The following LRRTM4 variants were observed in gnomAD, a reference collection of about 807,000 sequenced individuals.
LRRTM4 encodes leucine rich repeat transmembrane neuronal 4, also known as leucine-rich repeat transmembrane neuronal protein 4.
In LRRTM4, 25 loss-of-function variants were observed where a neutral mutation model predicts 47.6. The observed-to-expected ratio is 0.53, with a 90% confidence interval of 0.38 to 0.73. The LOEUF is 0.73. Ranked by LOEUF, LRRTM4 falls within the 30% of genes least tolerant of loss-of-function variation. The pLI is 0.00. For missense variants in LRRTM4, 638 were observed against 713.4 expected (o/e 0.89, Z 1.20); for synonymous variants, 311 against 269.5 (o/e 1.15, Z -1.51).
intron 3 of LRRTM4, among the ~76,000 whole-genome samples, chr2:77,240,068 GTAA>G (rs920387289): frequency 7.9e-4 from 120 of 151,738 alleles, no homozygotes; most frequent in African/African-American, 2.7e-3. Context: ...TACAATAATT[GTAA>G]TAACAAAAAG....
chr2:77,193,336 G>C (rs879522035), intron 3 of LRRTM4, among the ~76,000 whole-genome samples: 1 of 152,018 alleles, frequency 6.6e-6, no homozygotes, highest in Non-Finnish European at 1.5e-5. Flanking sequence ...GTTAAGAAAT[G>C]CATGACTGTA....
chr2:76,915,347 G>C (rs910777534), intron 3 of LRRTM4, among the ~76,000 whole-genome samples: 1 of 152,182 alleles, frequency 6.6e-6, no homozygotes, highest in Admixed American at 6.5e-5. Context: ...TGCATGCCTT[G>C]AGGGTCATTC....
intron 3 of LRRTM4, among the ~76,000 whole-genome samples, chr2:77,353,838 A>G (rs2104301146): frequency 6.6e-6 from 1 of 152,312 alleles, no homozygotes; most frequent in East Asian, 1.9e-4. Context: ...GCTGGGGCTT[A>G]GCCCAGGAAG....
intron 3 of LRRTM4, among the ~76,000 whole-genome samples, chr2:77,248,981 T>A (rs1478674712): frequency 6.6e-6 from 1 of 151,958 alleles, no homozygotes; most frequent in African/African-American, 2.4e-5. Flanking sequence ...TGAACTAGGG[T>A]TGGTGATAAC....
rs1676317250 is a variant in LRRTM4, at chr2:76,974,149, T to TACATATATATAC, written c.1552-225234_1552-225233insGTATATATATGT. The stretch of plus-strand genomic sequence containing the variant: ...ATTTGCTCATATATATACATATATA[T>TACATATATATAC]ACATACATATATATATATACATACA... On this transcript the variant is annotated intron_variant, in intron 3 of 3. Transcript: ENST00000409884. Among the ~76,000 whole-genome samples, 2 of 130,084 alleles carry TACATATATATAC rather than the reference T, an allele frequency of 1.5e-5. 1 individual carries two copies. Among genetic ancestry groups the TACATATATATAC allele is most frequent in the African/African-American group, 6.6e-5 (2 of 30,494 alleles). The allele number at this position is 130,084 out of a possible 152,430, so 85.3% of individuals were successfully genotyped here.
rs951352124 is a variant in LRRTM4 at position 76,811,916 on chromosome 2, T to A, written c.1552-63000A>T. The stretch of plus-strand genomic sequence containing the variant: ...GAATTTCTTTCCTAGATCTTACTCA[T>A]TGCTTTTATTATGTAATAGGTTTAC... On this transcript the variant is annotated intron_variant, in intron 3 of 3. Coordinates refer to ENST00000409884, the MANE Select transcript of LRRTM4 (RefSeq NM_001134745.3). Among the ~76,000 whole-genome samples, 2 of 152,310 alleles carry A rather than the reference T, an allele frequency of 1.3e-5. 1 individual carries two copies. The highest frequency in any genetic ancestry group is 4.1e-4 in the South Asian group (2 of 4,826).
chr2:76,857,375 C>G (rs1324486203), intron 3 of LRRTM4, among the ~76,000 whole-genome samples: 2 of 148,744 alleles, frequency 1.3e-5, no homozygotes, highest in Non-Finnish European at 3.0e-5. Context: ...TTTTGATATT[C>G]ATATTTACAT....
chr2:77,225,722 A>T (rs1375991360), intron 3 of LRRTM4, among the ~76,000 whole-genome samples: 1 of 152,154 alleles, frequency 6.6e-6, no homozygotes, highest in Non-Finnish European at 1.5e-5. Context: ...TGAAATACAC[A>T]ATATAGCCAG....
intron 3 of LRRTM4, among the ~76,000 whole-genome samples, chr2:77,122,862 AT>A (rs1671555268): frequency 6.6e-6 from 1 of 151,776 alleles, no homozygotes; most frequent in Admixed American, 6.6e-5. Flanking sequence ...AAAATACTAT[AT>A]GTGTTATTTT....
chr2:76,930,782 G>C (rs149790295), intron 3 of LRRTM4, among the ~76,000 whole-genome samples: 248 of 152,182 alleles, frequency 1.6e-3, no homozygotes, highest in African/African-American at 5.7e-3. Flanking sequence ...GTAAAATAAT[G>C]ATAAATGGTT....
At chr2:77,473,586 A>G (rs1402943267) in intron 3 of LRRTM4, among the ~76,000 whole-genome samples, 1 of 152,126 alleles carries the variant, frequency 6.6e-6, no homozygotes, top group Non-Finnish European at 1.5e-5. Flanking sequence ...CAACTGTGAC[A>G]CAGAACACCT....
chr2:77,518,600 G>T lies in LRRTM4; in HGVS notation c.1269C>A (p.His423Gln). ...AEQEYEHVSFHKIIAGSVALF... is the reference protein window; with the variant it reads ...AEQEYEHVSFQKIIAGSVALF... ...GAGCCACACTCCCGGCAATAATTTTGTGAAATGAAACATGCTCATACTCTT... is the reference window on the plus strand; with the variant it reads ...GAGCCACACTCCCGGCAATAATTTTTTGAAATGAAACATGCTCATACTCTT... Residue 423 changes from histidine (H) to glutamine (Q), a missense_variant, in exon 3 of 4, where the codon CAC becomes CAA. His to Gln is a conservative substitution (Grantham distance 24, BLOSUM62 0). Coordinates refer to ENST00000409884, the MANE Select transcript of LRRTM4 (RefSeq NM_001134745.3). 6.2e-7 allele frequency: 1 copy of T among 1,613,468 alleles called. No individual in the cohort carries two copies. The highest frequency in any genetic ancestry group is 1.3e-5 in the African/African-American group (1 of 74,990).
intron 3 of LRRTM4, among the ~76,000 whole-genome samples, chr2:77,433,154 T>G (rs1170578597): frequency 6.6e-6 from 1 of 152,194 alleles, no homozygotes; most frequent in Non-Finnish European, 1.5e-5. Context: ...TTAAATTTCT[T>G]AAAACTATAC....
intron 3 of LRRTM4, among the ~76,000 whole-genome samples, chr2:77,414,927 T>C (rs1320364438): frequency 6.6e-6 from 1 of 152,172 alleles, no homozygotes; most frequent in Admixed American, 6.5e-5. Context: ...TTTTTTTTCA[T>C]TGCTTTTGGA....
chr2:77,347,819 A>G (rs1671623945), intron 3 of LRRTM4, among the ~76,000 whole-genome samples: 1 of 152,106 alleles, frequency 6.6e-6, no homozygotes. Context: ...AAATATGAAC[A>G]CATAAATCAT....
intron 3 of LRRTM4, among the ~76,000 whole-genome samples, chr2:77,203,743 G>T (rs1433499511): frequency 6.6e-6 from 1 of 152,192 alleles, no homozygotes; most frequent in Non-Finnish European, 1.5e-5. Flanking sequence ...CAGAGCAGAT[G>T]AATATTTTAG....
At chr2:76,842,795 A>G (rs1251214678) in intron 3 of LRRTM4, among the ~76,000 whole-genome samples, 1 of 152,186 alleles carries the variant, frequency 6.6e-6, no homozygotes, top group Non-Finnish European at 1.5e-5. Flanking sequence ...TTACATAGGT[A>G]TACATGTGCC....
intron 3 of LRRTM4, among the ~76,000 whole-genome samples, chr2:77,395,965 T>C (rs112240658): frequency 4.6e-4 from 70 of 152,068 alleles, no homozygotes; most frequent in African/African-American, 1.7e-3. Context: ...TTCTATGACA[T>C]TTGCCAGGGA....
intron 3 of LRRTM4, among the ~76,000 whole-genome samples, chr2:77,030,764 C>T (rs113099478): frequency 1.3e-5 from 2 of 152,112 alleles, no homozygotes; most frequent in African/African-American, 4.8e-5. Flanking sequence ...AAGATGATTG[C>T]TTGCTAAAGA....
Sources: gnomAD v4.1 joint callset for allele counts (sites outside exome capture counted in the v4.1 genomes callset) on GRCh38, gnomAD v4.1.1 for gene constraint, MANE v1.5 for transcripts, NCBI Gene and HGNC (gene_info 2026-07-23, HGNC 2026-07-21) for gene names.